DNASE1: variants seen among roughly 807,000 people sequenced by gnomAD.
The protein encoded by DNASE1 is deoxyribonuclease-1.
A neutral mutation model predicts 33.9 loss-of-function variants in DNASE1; 40 were observed. That is an observed-to-expected ratio of 1.18 (90% CI 0.92 to 1.54). The LOEUF (loss-of-function observed/expected upper bound fraction) is 1.54. DNASE1 is among the 40% of genes most tolerant of loss of function. The probability of loss-of-function intolerance (pLI) is 0.00; values close to 1 mark genes in which losing one functional copy is unlikely to be tolerated. For missense variants in DNASE1, 518 were observed against 372.6 expected (o/e 1.39, Z -3.21); for synonymous variants, 216 against 160.0 (o/e 1.35, Z -2.64).
chr16:3,617,907 C>G (rs1008899061), intron 1 of DNASE1, among the ~76,000 whole-genome samples: 1 of 152,096 alleles, frequency 6.6e-6, no homozygotes, highest in Admixed American at 6.6e-5. Flanking sequence ...TTCCCAGCCT[C>G]CAGAACAGTG....
chr16:3,641,698 A>G (rs1169316557), upstream of DNASE1, among the ~76,000 whole-genome samples: 1 of 152,178 alleles, frequency 6.6e-6, no homozygotes, highest in Non-Finnish European at 1.5e-5. Flanking sequence ...GTGACAGCTC[A>G]TGGCTTCCTG....
At chr16:3,663,779 G>A (rs951482233) in exon 10 of DNASE1, 26 of 586,668 alleles carry the variant, frequency 4.4e-5, no homozygotes, top group Admixed American at 6.1e-5. Flanking sequence ...CACGCATAAA[G>A]AAATCCACAT....
downstream of DNASE1, chr16:3,662,346 C>T: frequency 1.6e-6 from 1 of 637,258 alleles, no homozygotes; most frequent in Non-Finnish European, 2.7e-6. Context: ...AGGGGCTCCA[C>T]CACCCTGGTG....
At chr16:3,644,408 C>T (rs775436012) in intron 1 of DNASE1, among the ~76,000 whole-genome samples, 1 of 152,012 alleles carries the variant, frequency 6.6e-6, no homozygotes, top group Non-Finnish European at 1.5e-5. Context: ...ACTAAAAATA[C>T]AAAAATTAGC....
chr16:3,648,455 A>G (rs2042236958), intron 1 of DNASE1, among the ~76,000 whole-genome samples: 2 of 152,054 alleles, frequency 1.3e-5, no homozygotes, highest in Admixed American at 6.5e-5. Flanking sequence ...CCAGCTACTC[A>G]GGAGGCTGAG....
Position 3,655,913 on chromosome 16 carries a change from G to A in DNASE1, c.212G>A (p.Gly71Glu). 3 of 1,614,038 alleles carry A rather than the reference G, an allele frequency of 1.9e-6. No individual in the cohort carries two copies. Among genetic ancestry groups the A allele is most frequent in the Non-Finnish European group, 2.5e-6 (3 of 1,180,022 alleles). Residue 71 changes from glycine (G) to glutamate (E), a missense_variant, in exon 3 of 9, where the codon GGG becomes GAG. Gly to Glu is a moderately conservative substitution (Grantham distance 98). Transcript: ENST00000246949. Reference protein sequence around the residue: ...EVRDSHLTAVGKLLDNLNQDA... With the variant: ...EVRDSHLTAVEKLLDNLNQDA... ...AGAGACAGCCACCTGACTGCCGTGG[G>A]GAAGCTGCTGGACAACCTCAATCAG... is the stretch of plus-strand genomic sequence containing the variant.
chr16:3,621,091 C>G (rs1354258381), intron 1 of DNASE1, among the ~76,000 whole-genome samples: 1 of 152,062 alleles, frequency 6.6e-6, no homozygotes, highest in Non-Finnish European at 1.5e-5. Context: ...AGCCACTGTG[C>G]CCGGCCTATT....
intron 1 of DNASE1, among the ~76,000 whole-genome samples, chr16:3,615,050 C>A (rs1223884388): frequency 1.3e-5 from 2 of 151,876 alleles, no homozygotes; most frequent in African/African-American, 4.8e-5. Context: ...AGATTCTCAA[C>A]TGAATCACCT....
chr16:3,627,761 G>A (rs1306187264), intron 1 of DNASE1, among the ~76,000 whole-genome samples: 1 of 152,066 alleles, frequency 6.6e-6, no homozygotes, highest in Non-Finnish European at 1.5e-5. Context: ...TATTCCAATA[G>A]TCTGTATGTC....
upstream of DNASE1, chr16:3,641,023 G>C (rs1004589709): frequency 1.5e-4 from 60 of 398,494 alleles, no homozygotes; most frequent in African/African-American, 1.2e-3. Context: ...TCTGGATTTG[G>C]GTGGATCAGC....
chr16:3,664,129 G>A (rs1723012988), exon 10 of DNASE1: 6 of 820,700 alleles, frequency 7.3e-6, no homozygotes, highest in South Asian at 2.3e-5. Flanking sequence ...CGTCACAGTC[G>A]GTCCGGCCTC....
chr16:3,650,098 T>G (rs1567202597), upstream of DNASE1, among the ~76,000 whole-genome samples: 1 of 152,216 alleles, frequency 6.6e-6, no homozygotes, highest in Non-Finnish European at 1.5e-5. Context: ...TGTTTGTAAG[T>G]AGGTTGTGTG....
chr16:3,654,448 C>G, upstream of DNASE1: 2 of 398,704 alleles, frequency 5.0e-6, no homozygotes, highest in South Asian at 1.3e-4. Context: ...TGGCTGTCAG[C>G]CACCAGGGGG....
chr16:3,647,008 T>C (rs984466898), intron 1 of DNASE1, among the ~76,000 whole-genome samples: 5 of 152,052 alleles, frequency 3.3e-5, no homozygotes, highest in African/African-American at 1.2e-4. Context: ...ATCAGACCTG[T>C]CTGAGGGGAG....
At chr16:3,640,366 T>C (rs1246759777), upstream of DNASE1, among the ~76,000 whole-genome samples, 4 of 152,280 alleles carry the variant, frequency 2.6e-5, no homozygotes, top group South Asian at 4.1e-4. Flanking sequence ...CTCCCTGAGC[T>C]CTGAACTCTG....
At chr16:3,634,958 C>T (rs756560336) in intron 1 of DNASE1, among the ~76,000 whole-genome samples, 9 of 152,190 alleles carry the variant, frequency 5.9e-5, no homozygotes, top group Non-Finnish European at 7.4e-5. Context: ...ATTCACCCCT[C>T]CTTAGGCAAC....
In DNASE1 at chr16:3,663,722, A is replaced by C. The variant is rs1035351618; in HGVS notation, c.*5769A>C. 3.7e-5 allele frequency: 30 copies of C among 816,154 alleles called. 1 individual carries two copies. The highest frequency in any genetic ancestry group is 5.6e-5 in the Non-Finnish European group (30 of 532,650). 50.6% of individuals were successfully genotyped at this position (816,154 alleles called of 1,614,324 possible). On this transcript the variant is annotated 3_prime_UTR_variant, in exon 10 of 10. Transcript: ENST00000407479. Reference sequence around the variant, plus strand: ...AGGCCTGCATGACAGTTACTACGACACCTGGGTCTAAGGAAGGCTCTGACT... The same window carrying C: ...AGGCCTGCATGACAGTTACTACGACCCCTGGGTCTAAGGAAGGCTCTGACT...
At chr16:3,640,780 G>T (rs759243508), upstream of DNASE1, 3 of 398,564 alleles carry the variant, frequency 7.5e-6, 1 homozygote, top group South Asian at 3.8e-4. Flanking sequence ...CGCCAGCCTG[G>T]GTAGTGGCCT....
At chr16:3,652,688 G>A (rs1299544638), upstream of DNASE1, 1 of 152,384 alleles carries the variant, frequency 6.6e-6, no homozygotes, top group African/African-American at 2.4e-5. Flanking sequence ...TTATGGAATG[G>A]GGTGCCAGTC....
Sources: gnomAD v4.1 joint callset for allele counts (sites outside exome capture counted in the v4.1 genomes callset) on GRCh38, gnomAD v4.1.1 for gene constraint, MANE v1.5 for transcripts, NCBI Gene and HGNC (gene_info 2026-07-23, HGNC 2026-07-21) for gene names.